Variants in GDF6 observed in about 807,000 individuals in gnomAD.
GDF6 encodes growth differentiation factor 6, also known as growth/differentiation factor 6.
A neutral mutation model predicts 32.4 loss-of-function variants in GDF6; 3 were observed. The ratio of observed to expected loss-of-function variants is 0.09; its 90% CI spans 0.04 to 0.24. The LOEUF (loss-of-function observed/expected upper bound fraction) is 0.24. Ranked by LOEUF, GDF6 falls within the 10% of genes least tolerant of loss-of-function variation. The pLI is 1.00. For synonymous variants in GDF6, 296 were observed against 295.3 expected, an observed-to-expected ratio of 1.00 and a Z score of -0.03; for missense variants, 589 against 637.9, an observed-to-expected ratio of 0.92 and a Z score of 0.83.
At chr8:96,148,252 G>A (rs760149847) in intron 1 of GDF6, among the ~76,000 whole-genome samples, 1 of 152,216 alleles carries the variant, frequency 6.6e-6, no homozygotes, top group Non-Finnish European at 1.5e-5. Context: ...CTGTGAGCAT[G>A]TGGCCATCCC....
chr8:96,147,794 G>A (rs1343255898), intron 1 of GDF6, among the ~76,000 whole-genome samples: 2 of 152,226 alleles, frequency 1.3e-5, no homozygotes, highest in Non-Finnish European at 2.9e-5. Context: ...CAGTGTATAA[G>A]AAAAGGGGAA....
At chr8:96,159,003 G>A (rs555241194) in intron 1 of GDF6, among the ~76,000 whole-genome samples, 195 of 152,092 alleles carry the variant, frequency 1.3e-3, no homozygotes, top group African/African-American at 4.2e-3. Flanking sequence ...GGGCGGGGGG[G>A]CCGTTAGCCT....
intron 1 of GDF6, among the ~76,000 whole-genome samples, chr8:96,146,725 G>T (rs899469957): frequency 2.8e-5 from 4 of 140,460 alleles, no homozygotes; most frequent in East Asian, 1.9e-4. Context: ...GAGAGAGAGA[G>T]ATAGAGAGAC....
At chr8:96,158,450 A>G (rs909539750) in intron 1 of GDF6, among the ~76,000 whole-genome samples, 18 of 152,188 alleles carry the variant, frequency 1.2e-4, no homozygotes, top group Non-Finnish European at 2.5e-4. Flanking sequence ...AACAGCCCGC[A>G]GGGTCTTTTG....
Position 96,160,617 on chromosome 8 carries a change from C to A in GDF6, c.76G>T (p.Ala26Ser). ...GACGACGAGGAGGATGAGATGGAAG[C>A]CTGCTGGAAACCGGGCAAATCCCAC... Reference protein sequence around the residue: ...FLWDLPGFQQASISSSSSSAE... With the variant: ...FLWDLPGFQQSSISSSSSSAE... The change falls in exon 1 of 2, where the codon GCT becomes TCT. Residue 26 changes from alanine (A) to serine (S), a missense_variant. Physicochemically the swap from Ala to Ser is moderately conservative, Grantham distance 99. Coordinates refer to ENST00000287020, the MANE Select transcript of GDF6 (RefSeq NM_001001557.4). 6.2e-7 allele frequency: 1 copy of A among 1,613,760 alleles called. No homozygotes were observed. Among genetic ancestry groups the A allele is most frequent in the Non-Finnish European group, 8.5e-7 (1 of 1,179,720 alleles).
At chr8:96,160,224 G>T in intron 1 of GDF6, 63 bp downstream of exon 1, 1 of 1,535,986 alleles carries the variant, frequency 6.5e-7, no homozygotes, top group Non-Finnish European at 9.0e-7. Context: ...CCTCCAGCGG[G>T]AACAGCTCCC....
At position 96,143,287 on chromosome 8, in the gene GDF6, T is replaced by C. The variant is rs989840597; in HGVS notation, c.*1276A>G. On this transcript the variant is annotated 3_prime_UTR_variant, in exon 2 of 2. Coordinates refer to ENST00000287020, the MANE Select transcript of GDF6 (RefSeq NM_001001557.4). ...TTCTTTTGGGGGAGCCCTGGGCTAT[T>C]GCTGGCTGGTAATCTTTCAGGAATG... 4.6e-5 allele frequency: 7 copies of C among 152,696 alleles called. No homozygotes were observed. Among genetic ancestry groups the C allele is most frequent in the African/African-American group, 1.7e-4 (7 of 41,470 alleles). 9.5% of individuals were successfully genotyped at this position (152,696 alleles called of 1,614,324 possible).
At chr8:96,157,490 C>A (rs1812688111) in intron 1 of GDF6, among the ~76,000 whole-genome samples, 1 of 152,134 alleles carries the variant, frequency 6.6e-6, no homozygotes, top group East Asian at 1.9e-4. Context: ...TCGCTCCTCC[C>A]CTTGGGGGAC....
intron 1 of GDF6, among the ~76,000 whole-genome samples, chr8:96,149,414 T>C (rs1198097872): frequency 6.6e-6 from 1 of 152,198 alleles, no homozygotes; most frequent in Non-Finnish European, 1.5e-5. Flanking sequence ...GGATTAGGGC[T>C]TATCTTCGTT....
rs139075817 is a variant in GDF6 at position 96,160,581 on chromosome 8, C to G, written c.112G>C (p.Gly38Arg). The G allele has an allele frequency of 3.5e-4, 560 of 1,613,712 alleles. 1 individual carries two copies. In the African/African-American group the frequency reaches 6.8e-3, roughly 19 times the overall value. ...CGGCTTCGCATGCCCTTGGTGGAAC[C>G]CAGCTCGGCGGACGACGAGGAGGAT... ...ISSSSSSAEL[G>R]STKGMRSRKE... The change falls in exon 1 of 2, where the codon GGT (glycine) becomes CGT (arginine). Residue 38 changes from glycine to arginine, a missense_variant. Coordinates refer to ENST00000287020, the MANE Select transcript of GDF6 (RefSeq NM_001001557.4).
At chr8:96,159,600 G>T (rs1292065433) in intron 1 of GDF6, among the ~76,000 whole-genome samples, 1 of 152,196 alleles carries the variant, frequency 6.6e-6, no homozygotes, top group Non-Finnish European at 1.5e-5. Flanking sequence ...TCCCTGTCCC[G>T]GCCCGCCCAA....
rs991957487 is a variant in GDF6, at chr8:96,143,444, C to G, written c.*1119G>C. On this transcript the variant is annotated 3_prime_UTR_variant, in exon 2 of 2. Coordinates refer to ENST00000287020, the MANE Select transcript of GDF6 (RefSeq NM_001001557.4). Reference sequence around the variant, plus strand: ...GATCCCCATCCTCCCTGAGGCCCACCATCTTCCCTCCTGATGGGACTCCTT... The same window carrying G: ...GATCCCCATCCTCCCTGAGGCCCACGATCTTCCCTCCTGATGGGACTCCTT... The G allele has an allele frequency of 6.5e-6, 1 of 152,686 alleles. No homozygotes were observed. The highest frequency in any genetic ancestry group is 2.4e-5 in the African/African-American group (1 of 41,420). The allele number at this position is 152,686 out of a possible 1,614,324, so 9.5% of individuals were successfully genotyped here.
chr8:96,145,217 G>T lies in GDF6; in HGVS notation c.714C>A (p.Gly238=), dbSNP rs1450444967. The part of the protein sequence containing the change: ...QLCLELRAAW[G]ELDAGEAEAR... The stretch of plus-strand genomic sequence containing the variant: ...CCTCGGCCTCCCCGGCGTCCAGCTC[G>T]CCCCATGCGGCCCGCAGCTCCAAGC... The change falls in exon 2 of 2, where the codon GGC becomes GGA. Residue 238 remains glycine, a synonymous_variant. Transcript: ENST00000287020. The surrounding 1 kb of genome is among the most constrained non-coding windows in gnomAD (Gnocchi z 5.6). The T allele has an allele frequency of 6.6e-7, 1 of 1,510,144 alleles. No individual in the cohort carries two copies. Among genetic ancestry groups the T allele is most frequent in the Non-Finnish European group, 8.8e-7 (1 of 1,136,840 alleles). 93.5% of individuals were successfully genotyped at this position (1,510,144 alleles called of 1,614,324 possible). A position where few individuals can be genotyped will look rare whatever the true frequency, so the allele number is the denominator to read the frequency against.
chr8:96,150,421 G>A (rs543050739), intron 1 of GDF6, among the ~76,000 whole-genome samples: 48 of 152,310 alleles, frequency 3.2e-4, no homozygotes, highest in African/African-American at 1.1e-3. Context: ...AACTCTAGGC[G>A]CCTTTCCCTT....
intron 1 of GDF6, among the ~76,000 whole-genome samples, chr8:96,147,146 G>A (rs1812500349): frequency 1.3e-5 from 2 of 152,198 alleles, no homozygotes; most frequent in Admixed American, 6.5e-5. Context: ...TAGCCCGGGG[G>A]CACTGGCTCT....
At chr8:96,157,499 A>C (rs1586124573) in intron 1 of GDF6, among the ~76,000 whole-genome samples, 1 of 149,128 alleles carries the variant, frequency 6.7e-6, no homozygotes, top group Non-Finnish European at 1.5e-5. Flanking sequence ...CCCTTGGGGG[A>C]CCCCCGGCTC....
intron 1 of GDF6, among the ~76,000 whole-genome samples, chr8:96,152,631 C>T (rs1333164003): frequency 1.3e-5 from 2 of 152,172 alleles, no homozygotes; most frequent in Admixed American, 1.3e-4. Context: ...TTGTCACTTT[C>T]GAAGGTTTCG....
At chr8:96,152,340 G>T (rs2130222208) in intron 1 of GDF6, among the ~76,000 whole-genome samples, 1 of 152,294 alleles carries the variant, frequency 6.6e-6, no homozygotes, top group African/African-American at 2.4e-5. Context: ...CCTTCTTGCA[G>T]GTTTCCTCTT....
chr8:96,152,705 A>G (rs534114762), intron 1 of GDF6, among the ~76,000 whole-genome samples: 1 of 152,080 alleles, frequency 6.6e-6, no homozygotes, highest in South Asian at 2.1e-4. Flanking sequence ...AGCTTTTCTC[A>G]TGTCTCTTGG....
Sources: allele counts gnomAD v4.1 joint callset (sites outside exome capture counted in the v4.1 genomes callset), GRCh38; gene constraint gnomAD v4.1.1; non-coding constraint Gnocchi (gnomAD v3.1); transcripts MANE v1.5; gene names NCBI Gene and HGNC (gene_info 2026-07-23, HGNC 2026-07-21).